BRWD1: variants seen among roughly 807,000 people sequenced by gnomAD.
The protein encoded by BRWD1 is bromodomain and WD repeat domain containing 1.
BRWD1 carries 82 observed loss-of-function variants against 251.2 expected under a neutral mutation model. The ratio of observed to expected loss-of-function variants is 0.33; its 90% CI spans 0.27 to 0.39. BRWD1 has a LOEUF of 0.39. BRWD1 is among the 10% of genes least tolerant of loss of function. BRWD1 has a pLI of 1.00. For synonymous variants in BRWD1, 918 were observed against 902.8 expected, an observed-to-expected ratio of 1.02 and a Z score of -0.30; for missense variants, 2,233 against 2,711.6, an observed-to-expected ratio of 0.82 and a Z score of 3.92.
At chr21:39,310,038 A>G (rs1408654643) in intron 4 of BRWD1, among the ~76,000 whole-genome samples, 3 of 152,208 alleles carry the variant, frequency 2.0e-5, no homozygotes, top group Admixed American at 1.3e-4. Context: ...ATTTGCTTAA[A>G]AACAAGGGAG....
intron 13 of BRWD1, among the ~76,000 whole-genome samples, chr21:39,271,505 C>G (rs1045102194): frequency 2.7e-5 from 4 of 150,744 alleles, no homozygotes; most frequent in Admixed American, 6.6e-5. Flanking sequence ...CTGGCTAACA[C>G]GGTGAAACCT....
chr21:39,310,263 C>T lies in BRWD1; in HGVS notation c.198+2578G>A, dbSNP rs574266543. 3.2e-3 allele frequency among the ~76,000 whole-genome samples: 483 copies of T among 152,334 alleles called. 3 individuals carry two copies. Among genetic ancestry groups the T allele is most frequent in the Middle Eastern group, 6.8e-3 (2 of 294 alleles). On this transcript the variant is annotated intron_variant, in intron 4 of 40. Transcript: ENST00000342449. ...AGGCGCAGTGGCTCACGCCTGTAAT[C>T]CCAGCACTTTGGGACACAGAGGCGG... is the stretch of plus-strand genomic sequence containing the variant.
chr21:39,305,601 A>ACCAG (rs2036260059), intron 4 of BRWD1, among the ~76,000 whole-genome samples: 1 of 152,094 alleles, frequency 6.6e-6, no homozygotes. Context: ...GCAGTGGCTC[A>ACCAG]CACCTGTAAT....
In BRWD1 at chr21:39,196,372, G is replaced by A. The variant is rs745822565; in HGVS notation, c.6697C>T (p.Arg2233Ter). Residue 2233 changes from arginine (R) to a stop codon, truncating the protein, a stop_gained, in exon 41 of 41, where the codon CGA becomes TGA. Transcript: ENST00000342449. LOFTEE classifies it high-confidence loss of function. Reference sequence around the variant, plus strand: ...TTTCTCGTTTTTATTTTTGAACGTCGAAGAACTCTTTTAGATTTTGCATAG... The same window carrying A: ...TTTCTCGTTTTTATTTTTGAACGTCAAAGAACTCTTTTAGATTTTGCATAG... ...LDYAKSKRVL[R>*]RSKIKTRNQG... The A allele has an allele frequency of 5.6e-6, 9 of 1,613,548 alleles. No individual in the cohort carries two copies. Among genetic ancestry groups the A allele is most frequent in the South Asian group, 2.2e-5 (2 of 91,038 alleles).
chr21:39,218,049 G>A (rs138646800), intron 31 of BRWD1, 103 bp downstream of exon 31: 3 of 1,217,002 alleles, frequency 2.5e-6, no homozygotes, highest in African/African-American at 3.1e-5. Context: ...AACAGAAAAT[G>A]CTAATCAGCC....
chr21:39,307,246 G>C (rs940079776), intron 4 of BRWD1, among the ~76,000 whole-genome samples: 1 of 152,188 alleles, frequency 6.6e-6, no homozygotes, highest in African/African-American at 2.4e-5. Flanking sequence ...GAAGCGTACA[G>C]TTATTTTAAT....
upstream of BRWD1, chr21:39,313,858 G>A (rs1372199638): frequency 1.8e-5 from 6 of 335,174 alleles, no homozygotes; most frequent in East Asian, 1.0e-4. Context: ...GAGGGCGCGT[G>A]GTCCGAATCC....
Position 39,199,626 on chromosome 21 carries a change from G to C in BRWD1, c.4790C>G (p.Ala1597Gly). 6.2e-7 allele frequency: 1 copy of C among 1,610,882 alleles called. No individual in the cohort carries two copies. Among genetic ancestry groups the C allele is most frequent in the Non-Finnish European group, 8.5e-7 (1 of 1,179,088 alleles). ...ACTTAAATAGACTCTCTTTCGAGTG[G>C]CTTTTCTGCCACATCCATTTGCTAA... ...VSLANGCGRK[A>G]TRKRVYLSDS... The change falls in exon 40 of 41, where the codon GCC becomes GGC. Residue 1597 changes from alanine (A) to glycine (G), a missense_variant. This residue lies in a region of BRWD1 where 928 missense variants were observed against 970.0 expected (regional missense o/e 0.96). Coordinates refer to ENST00000342449, the MANE Select transcript of BRWD1 (RefSeq NM_033656.4).
At chr21:39,296,474 C>T in intron 5 of BRWD1, 111 bp from the exon 6 acceptor site, 1 of 1,289,352 alleles carries the variant, frequency 7.8e-7, no homozygotes. Flanking sequence ...ATTTTACCAA[C>T]TAGTATACTT....
rs1005124972 is a variant in BRWD1, at chr21:39,185,647, T to TA, written c.*10611dup. ...GCTAAAAAACAAAAAGCCTTTTTTT[T>TA]AAAACAGACATGCAACCACAAATTT... On this transcript the variant is annotated 3_prime_UTR_variant, in exon 41 of 41. Coordinates refer to ENST00000342449, the MANE Select transcript of BRWD1 (RefSeq NM_033656.4). 6.6e-6 allele frequency: 1 copy of TA among 151,938 alleles called. No homozygotes were observed. The allele number at this position is 151,938 out of a possible 1,614,324, so 9.4% of individuals were successfully genotyped here. A position where few individuals can be genotyped will look rare whatever the true frequency, so the allele number is the denominator to read the frequency against.
intron 19 of BRWD1, among the ~76,000 whole-genome samples, 190 bp from the exon 20 acceptor site, chr21:39,251,079 A>G (rs1342467243): frequency 6.6e-6 from 1 of 152,168 alleles, no homozygotes; most frequent in African/African-American, 2.4e-5. Flanking sequence ...AGTTAAACCT[A>G]TTTTTCATAT....
intron 25 of BRWD1, among the ~76,000 whole-genome samples, chr21:39,231,524 C>G (rs776848411): frequency 7.2e-5 from 11 of 152,054 alleles, no homozygotes; most frequent in African/African-American, 2.4e-5. Context: ...CTACAATACT[C>G]ATATATTTAC....
Position 39,210,136 on chromosome 21 carries a change from A to C in BRWD1, c.4056T>G (p.Asp1352Glu), listed in dbSNP as rs762587388. The C allele has an allele frequency of 6.2e-7, 1 of 1,609,722 alleles. No individual in the cohort carries two copies. The highest frequency in any genetic ancestry group is 1.7e-5 in the Admixed American group (1 of 59,756). ...CAAAATCCATTGGGGTATCTATAAT[A>C]TCTCTGTAGTCCTAGGTTTTAAACA... ...VDLVEYPDYRDIIDTPMDFGT... is the reference protein window; with the variant it reads ...VDLVEYPDYREIIDTPMDFGT... The change falls in exon 36 of 41, where the codon GAT (aspartate) becomes GAG (glutamate). Residue 1352 changes from aspartate to glutamate, a missense_variant. Transcript: ENST00000342449.
chr21:39,312,503 G>T, intron 4 of BRWD1: 1 of 224,638 alleles, frequency 4.5e-6, no homozygotes, highest in East Asian at 1.1e-4. Context: ...CGGTGGAGCG[G>T]GGAAGCGAAT....
intron 15 of BRWD1, among the ~76,000 whole-genome samples, chr21:39,266,906 T>C (rs529834147): frequency 3.3e-5 from 5 of 152,244 alleles, no homozygotes; most frequent in Non-Finnish European, 7.3e-5. Flanking sequence ...TGAAATGTTT[T>C]TTCAGATTAT....
At chr21:39,208,130 T>C (rs1336572014) in intron 36 of BRWD1, among the ~76,000 whole-genome samples, 2 of 152,222 alleles carry the variant, frequency 1.3e-5, no homozygotes, top group Admixed American at 1.3e-4. Flanking sequence ...ATGTTATATA[T>C]AGTTAACCAT....
rs755917756 is a variant in BRWD1, at chr21:39,199,308, G to T, written c.5108C>A (p.Ser1703Tyr). ...ATTGCTCTGGGCAGTGTGAGAACTGGACACTGGTAATAGTTGATTTTCATC... is the reference window on the plus strand; with the variant it reads ...ATTGCTCTGGGCAGTGTGAGAACTGTACACTGGTAATAGTTGATTTTCATC... ...LKDENQLLPV[S>Y]SSHTAQSNVD... The change falls in exon 40 of 41, where the codon TCC becomes TAC. Residue 1703 changes from serine (S) to tyrosine (Y), a missense_variant. Around this residue, in one of 12 missense-constraint regions of BRWD1, gnomAD observed 928 missense variants for 970.0 expected, o/e 0.96. Coordinates refer to ENST00000342449, the MANE Select transcript of BRWD1 (RefSeq NM_033656.4). 2.5e-6 allele frequency: 4 copies of T among 1,614,176 alleles called. No homozygotes were observed. Among genetic ancestry groups the T allele is most frequent in the Non-Finnish European group, 3.4e-6 (4 of 1,180,024 alleles).
intron 4 of BRWD1, 121 bp from the exon 5 acceptor site, chr21:39,298,703 G>T: frequency 1.4e-6 from 1 of 739,364 alleles, no homozygotes; most frequent in Non-Finnish European, 2.0e-6. Flanking sequence ...CATGCTGAGA[G>T]AAATTAAAGA....
intron 28 of BRWD1, 81 bp downstream of exon 28, chr21:39,225,005 A>C: frequency 9.1e-7 from 1 of 1,095,410 alleles, no homozygotes; most frequent in Non-Finnish European, 1.4e-6. Flanking sequence ...TGTTTTTTTA[A>C]AAACCAGAAA....
Sources: allele counts gnomAD v4.1 joint callset (sites outside exome capture counted in the v4.1 genomes callset), GRCh38; gene constraint gnomAD v4.1.1; regional missense constraint gnomAD v4.1.1; transcripts MANE v1.5; gene names NCBI Gene and HGNC (gene_info 2026-07-23, HGNC 2026-07-21).